The following CYYR1 variants were observed in gnomAD, a reference collection of about 807,000 sequenced individuals.
The protein encoded by CYYR1 is cysteine and tyrosine rich 1.
In CYYR1, 14 loss-of-function variants were observed where a neutral mutation model predicts 15.2. The observed-to-expected ratio is 0.92, with a 90% CI of 0.61 to 1.44. The LOEUF is 1.44. CYYR1 is among the 40% of genes most tolerant of loss of function. CYYR1 has a pLI of 0.00. For missense variants in CYYR1, 228 were observed against 209.5 expected (o/e 1.09, Z -0.54); for synonymous variants, 80 against 77.4 (o/e 1.03, Z -0.18).
intron 3 of CYYR1, among the ~76,000 whole-genome samples, chr21:26,478,473 G>A (rs751653686): frequency 2.6e-5 from 4 of 152,224 alleles, no homozygotes; most frequent in East Asian, 1.9e-4. Context: ...AGAAAAAAAG[G>A]AGGCCTGGGA....
chr21:26,505,667 G>A (rs2065548900), intron 2 of CYYR1, among the ~76,000 whole-genome samples: 1 of 152,146 alleles, frequency 6.6e-6, no homozygotes, highest in East Asian at 1.9e-4. Flanking sequence ...CATAAAGTTG[G>A]AAGCTGAGTT....
intron 2 of CYYR1, among the ~76,000 whole-genome samples, chr21:26,554,923 C>G (rs1431830094): frequency 6.6e-6 from 1 of 151,966 alleles, no homozygotes; most frequent in South Asian, 2.1e-4. Flanking sequence ...TTTCAAAGCC[C>G]AATGTTTTCA....
intron 2 of CYYR1, among the ~76,000 whole-genome samples, chr21:26,539,859 T>G (rs182454760): frequency 6.6e-6 from 1 of 152,346 alleles, no homozygotes; most frequent in East Asian, 1.9e-4. Context: ...ACCTATGTTA[T>G]TTAACCAGAA....
intron 2 of CYYR1, among the ~76,000 whole-genome samples, chr21:26,493,249 T>C (rs1391013851): frequency 6.6e-6 from 1 of 152,166 alleles, no homozygotes; most frequent in Admixed American, 6.5e-5. Context: ...GAACTTGAAC[T>C]TTTTATTGGA....
intron 2 of CYYR1, among the ~76,000 whole-genome samples, chr21:26,542,705 AT>A (rs897444333): frequency 3.2e-4 from 49 of 152,190 alleles, no homozygotes; most frequent in African/African-American, 6.0e-4. Flanking sequence ...TGCAGATAAG[AT>A]TTTTTTTACA....
At chr21:26,474,096 G>A (rs981928942) in intron 3 of CYYR1, among the ~76,000 whole-genome samples, 1 of 147,126 alleles carries the variant, frequency 6.8e-6, no homozygotes, top group Non-Finnish European at 1.5e-5. Flanking sequence ...GCCCAGGCTG[G>A]AGTGCAATGG....
At chr21:26,523,230 A>G (rs2065823631) in intron 2 of CYYR1, among the ~76,000 whole-genome samples, 1 of 152,128 alleles carries the variant, frequency 6.6e-6, no homozygotes, top group African/African-American at 2.4e-5. Context: ...TCTGTCAGCA[A>G]TTACTATTGA....
intron 1 of CYYR1, among the ~76,000 whole-genome samples, chr21:26,571,517 T>TAAAC (rs71329845): frequency 7.2e-5 from 11 of 152,118 alleles, no homozygotes; most frequent in Admixed American, 2.6e-4. Context: ...GGGAATATAA[T>TAAAC]AAACAAACAA....
At chr21:26,560,166 T>C (rs1268796726) in intron 2 of CYYR1, among the ~76,000 whole-genome samples, 1 of 152,204 alleles carries the variant, frequency 6.6e-6, no homozygotes, top group Non-Finnish European at 1.5e-5. Context: ...GCATATATTA[T>C]TACTGGATTC....
chr21:26,517,115 A>C (rs2065740391), intron 2 of CYYR1, among the ~76,000 whole-genome samples: 1 of 43,438 alleles, frequency 2.3e-5, no homozygotes, highest in South Asian at 7.0e-4. Context: ...ACTCCGTCTC[A>C]AAAAAAAAAA....
In CYYR1 at chr21:26,467,091, C is replaced by G. The variant is rs1459881072; in HGVS notation, c.*1410G>C. 6.6e-6 allele frequency: 1 copy of G among 152,054 alleles called. No individual in the cohort carries two copies. Among genetic ancestry groups the G allele is most frequent in the Non-Finnish European group, 1.5e-5 (1 of 67,982 alleles). The allele number at this position is 152,054 out of a possible 1,614,324, so 9.4% of individuals were successfully genotyped here. A position where few individuals can be genotyped will look rare whatever the true frequency, so the allele number is the denominator to read the frequency against. On this transcript the variant is annotated 3_prime_UTR_variant, in exon 4 of 4. Transcript: ENST00000652641. ...GTTTCATTCAGCAAAATTCTTGGCA[C>G]TGTTTTGGGATTTCACTGAATTTTG...
At chr21:26,519,066 A>T (rs1470223984) in intron 2 of CYYR1, among the ~76,000 whole-genome samples, 1 of 152,174 alleles carries the variant, frequency 6.6e-6, no homozygotes, top group African/African-American at 2.4e-5. Flanking sequence ...GTATCCCTAG[A>T]ATGAATTAAT....
At chr21:26,529,282 T>C (rs2065901094) in intron 2 of CYYR1, among the ~76,000 whole-genome samples, 1 of 152,228 alleles carries the variant, frequency 6.6e-6, no homozygotes, top group Non-Finnish European at 1.5e-5. Flanking sequence ...TATGTTTCTT[T>C]TGCATCTTTT....
At chr21:26,514,691 G>A (rs2065697635) in intron 2 of CYYR1, among the ~76,000 whole-genome samples, 1 of 152,220 alleles carries the variant, frequency 6.6e-6, no homozygotes, top group African/African-American at 2.4e-5. Flanking sequence ...GCCAGAGTCA[G>A]AGGGAACTAA....
At chr21:26,505,808 A>G (rs2830265) in intron 2 of CYYR1, among the ~76,000 whole-genome samples, 20,750 of 152,246 alleles carry the variant, frequency 0.14, 1,637 homozygotes, top group South Asian at 0.21. Flanking sequence ...ATATTTTAAA[A>G]AAAAAGGTTT....
chr21:26,572,128 C>A (rs1459738009), intron 1 of CYYR1, among the ~76,000 whole-genome samples: 2 of 152,158 alleles, frequency 1.3e-5, no homozygotes, highest in Non-Finnish European at 2.9e-5. Flanking sequence ...TTACAAAGAA[C>A]TTTGCTTTTA....
chr21:26,534,206 G>T (rs1399664405), intron 2 of CYYR1, among the ~76,000 whole-genome samples: 1 of 152,162 alleles, frequency 6.6e-6, no homozygotes, highest in Non-Finnish European at 1.5e-5. Context: ...GGACAGAAAT[G>T]ATGTCTTATT....
chr21:26,566,218 T>C, intron 2 of CYYR1, 48 bp downstream of exon 2: 1 of 1,367,614 alleles, frequency 7.3e-7, no homozygotes, highest in Non-Finnish European at 1.0e-6. Context: ...ACTGGACAAC[T>C]GGACAAGAGG....
rs547069795 is a variant in CYYR1, at chr21:26,556,610, G to A, written c.176+9656C>T. Among the ~76,000 whole-genome samples the A allele has an allele frequency of 1.4e-4, 21 of 152,176 alleles. No homozygotes were observed. The South Asian group carries it at 4.4e-3, about 32-fold the overall frequency. On this transcript the variant is annotated intron_variant, in intron 2 of 3. Transcript: ENST00000652641. ...TTCAATCATGGCAGACGGTGAAGGG[G>A]AATCAGGCACGTCCTCACATGGCCA...
Sources: allele counts gnomAD v4.1 joint callset (sites outside exome capture counted in the v4.1 genomes callset), GRCh38; gene constraint gnomAD v4.1.1; transcripts MANE v1.5; gene names NCBI Gene and HGNC (gene_info 2026-07-23, HGNC 2026-07-21).